Variants in MTAP observed in about 807,000 individuals in gnomAD.
MTAP encodes S-methyl-5'-thioadenosine phosphorylase.
A neutral mutation model predicts 33.6 loss-of-function variants in MTAP; 33 were observed. The ratio of observed to expected loss-of-function variants is 0.98; its 90% CI spans 0.74 to 1.31. MTAP has a LOEUF of 1.31. Among genes scored for constraint, MTAP ranks in the 40% most tolerant of loss-of-function variants. The pLI, the probability that MTAP is intolerant of heterozygous loss-of-function variation, is 0.00. For synonymous variants in MTAP, 148 were observed against 125.7 expected, an observed-to-expected ratio of 1.18 and a Z score of -1.19; for missense variants, 367 against 360.0, an observed-to-expected ratio of 1.02 and a Z score of -0.16.
chr9:21,895,485 G>C (rs181255436), intron 1 of MTAP, among the ~76,000 whole-genome samples: 1 of 152,206 alleles, frequency 6.6e-6, no homozygotes, highest in East Asian at 1.9e-4. Flanking sequence ...GTCAGACAGT[G>C]GGTGCAGCCC....
At chr9:21,834,822 C>T (rs574144123) in intron 4 of MTAP, among the ~76,000 whole-genome samples, 6 of 152,326 alleles carry the variant, frequency 3.9e-5, no homozygotes, top group Admixed American at 1.3e-4. Context: ...TAAGGGTTAG[C>T]ATGTGGACAT....
At chr9:21,830,542 T>G (rs73649992) in intron 4 of MTAP, among the ~76,000 whole-genome samples, 2,071 of 152,348 alleles carry the variant, frequency 0.014, 52 homozygotes, top group African/African-American at 0.047. Context: ...ACAGTCAGTT[T>G]GAACTGGGGA....
chr9:21,803,512 C>G (rs72614281), intron 1 of MTAP: 1 of 152,106 alleles, frequency 6.6e-6, no homozygotes, highest in Non-Finnish European at 1.5e-5. Context: ...TTCCTTGTGC[C>G]CTAGGCCCTG....
At chr9:21,833,944 A>G (rs1459464722) in intron 4 of MTAP, among the ~76,000 whole-genome samples, 1 of 150,272 alleles carries the variant, frequency 6.7e-6, no homozygotes, top group African/African-American at 2.4e-5. Context: ...ACTCTCTTGA[A>G]CTCATTTTTC....
chr9:21,818,612 A>C (rs913278222), intron 4 of MTAP, among the ~76,000 whole-genome samples: 4 of 152,152 alleles, frequency 2.6e-5, no homozygotes, highest in African/African-American at 9.7e-5. Context: ...GGCGTGAGCC[A>C]CTGCACCCAG....
rs534122828 is a variant in MTAP, at chr9:21,842,269, A to G, written c.450+4259A>G. ...GAAATTTTAAAAGAAATTTGGGTTT[A>G]TGTTAAATGGCCAAACCTAAGAATA... On this transcript the variant is annotated intron_variant, in intron 5 of 7. Coordinates refer to ENST00000644715, the MANE Select transcript of MTAP (RefSeq NM_002451.4). 2.0e-5 allele frequency among the ~76,000 whole-genome samples: 3 copies of G among 152,314 alleles called. No individual in the cohort carries two copies. In the South Asian group the frequency reaches 6.2e-4, roughly 32 times the overall value.
intron 6 of MTAP, among the ~76,000 whole-genome samples, chr9:21,856,410 G>T (rs370228741): frequency 6.6e-6 from 1 of 152,156 alleles, no homozygotes; most frequent in African/African-American, 2.4e-5. Flanking sequence ...TTATGTAAGA[G>T]ATTCGCAAAT....
At chr9:21,909,991 TA>T (rs1240626845) in intron 1 of MTAP, among the ~76,000 whole-genome samples, 2 of 152,198 alleles carry the variant, frequency 1.3e-5, no homozygotes, top group Non-Finnish European at 2.9e-5. Context: ...AGATATCTTT[TA>T]CAGCATTAAA....
chr9:21,828,000 C>T lies in MTAP; in HGVS notation c.347+9798C>T, dbSNP rs948788116. ...CTGTTACTTAAACAGTATGACTATACGCTGTTGCATTTCCCAGATCTTTTA... is the reference window on the plus strand; with the variant it reads ...CTGTTACTTAAACAGTATGACTATATGCTGTTGCATTTCCCAGATCTTTTA... On this transcript the variant is annotated intron_variant, in intron 4 of 7. Coordinates refer to ENST00000644715, the MANE Select transcript of MTAP (RefSeq NM_002451.4). 3.9e-5 allele frequency among the ~76,000 whole-genome samples: 6 copies of T among 152,286 alleles called. No individual in the cohort carries two copies. In the East Asian group the frequency reaches 5.8e-4, roughly 15 times the overall value.
intron 1 of MTAP, among the ~76,000 whole-genome samples, chr9:21,906,398 A>G (rs1214818573): frequency 6.6e-6 from 1 of 152,238 alleles, no homozygotes. Flanking sequence ...ACACAACTGA[A>G]GAGAGAATTT....
chr9:21,845,265 C>T lies in MTAP; in HGVS notation c.450+7255C>T, dbSNP rs149295300. On this transcript the variant is annotated intron_variant, in intron 5 of 7. Coordinates refer to ENST00000644715, the MANE Select transcript of MTAP (RefSeq NM_002451.4). ...TGTTGCTGTTCACCAATGATATGAT[C>T]GTATACCTAGAAAACCCTAAAGACT... 6.3e-3 allele frequency among the ~76,000 whole-genome samples: 952 copies of T among 152,136 alleles called. 21 individuals carry two copies. Among genetic ancestry groups the T allele is most frequent in the East Asian group, 0.054 (282 of 5,182 alleles).
intron 4 of MTAP, among the ~76,000 whole-genome samples, chr9:21,825,339 G>C (rs998256357): frequency 6.6e-6 from 1 of 152,184 alleles, no homozygotes; most frequent in African/African-American, 2.4e-5. Context: ...AGGGACCATG[G>C]AAGTGCTGAT....
At chr9:21,831,451 C>A (rs1030884018) in intron 4 of MTAP, among the ~76,000 whole-genome samples, 2 of 151,996 alleles carry the variant, frequency 1.3e-5, no homozygotes, top group African/African-American at 4.8e-5. Context: ...ATCCTCAGCC[C>A]GTCTAGTAGC....
At chr9:21,802,854 G>C (rs759897897) in intron 1 of MTAP, 73 bp downstream of exon 1, 37 of 1,583,374 alleles carry the variant, frequency 2.3e-5, no homozygotes, top group Non-Finnish European at 2.1e-5. Flanking sequence ...GGGGGACCGC[G>C]CCTCCGGGGG....
intron 7 of MTAP, 181 bp from the exon 8 acceptor site, chr9:21,861,795 G>C: frequency 1.6e-6 from 1 of 610,040 alleles, no homozygotes; most frequent in Non-Finnish European, 3.0e-6. Context: ...CAAGAGTTTA[G>C]AGTACCCGAA....
chr9:21,843,606 A>G (rs903711934), intron 5 of MTAP, among the ~76,000 whole-genome samples: 5 of 152,182 alleles, frequency 3.3e-5, no homozygotes, highest in East Asian at 3.8e-4. Context: ...CCTCAAAACT[A>G]TACAAATACT....
chr9:21,804,852 G>A (rs912375081), intron 1 of MTAP, among the ~76,000 whole-genome samples: 2 of 152,186 alleles, frequency 1.3e-5, no homozygotes, highest in Non-Finnish European at 2.9e-5. Context: ...ACAGAATTGG[G>A]CCTAGAGCCT....
At chr9:21,930,978 C>A in intron 1 of MTAP, 1 of 748,476 alleles carries the variant, frequency 1.3e-6, no homozygotes, top group Admixed American at 1.8e-5. Context: ...AATCTAATAA[C>A]CCAATTTGTC....
chr9:21,908,148 A>T lies in MTAP; in HGVS notation c.148-22860A>T, dbSNP rs114667720. Among the ~76,000 whole-genome samples the T allele has an allele frequency of 3.9e-3, 594 of 152,286 alleles. 5 individuals carry two copies. Among genetic ancestry groups the T allele is most frequent in the African/African-American group, 0.013 (557 of 41,582 alleles). ...CCCTCACTCCTTCCTTAATCCTGGT[A>T]ACCACTGATTCTTTCTCCATGTCTA... On this transcript the variant is annotated intron_variant, in intron 1 of 1. Coordinates refer to the MTAP transcript ENST00000577563.
Sources: gnomAD v4.1 joint callset for allele counts (sites outside exome capture counted in the v4.1 genomes callset) on GRCh38, gnomAD v4.1.1 for gene constraint, MANE v1.5 for transcripts, NCBI Gene and HGNC (gene_info 2026-07-23, HGNC 2026-07-21) for gene names.